Variants in NCS1 observed in about 807,000 individuals in gnomAD.
NCS1 encodes neuronal calcium sensor 1, also known as frequenin homolog.
In NCS1, 6 loss-of-function variants were observed where a neutral mutation model predicts 28.4. The observed-to-expected ratio is 0.21, with a 90% CI of 0.12 to 0.42. The LOEUF is 0.42. Ranked by LOEUF, NCS1 falls within the 10% of genes least tolerant of loss-of-function variation. NCS1 has a pLI of 1.00. For missense variants in NCS1, 131 were observed against 241.4 expected, an observed-to-expected ratio of 0.54 and a Z score of 3.03; for synonymous variants, 86 against 99.3, an observed-to-expected ratio of 0.87 and a Z score of 0.79.
chr9:130,211,930 G>A (rs574699049), intron 2 of NCS1, among the ~76,000 whole-genome samples: 71 of 152,234 alleles, frequency 4.7e-4, no homozygotes, highest in Middle Eastern at 6.8e-3. Flanking sequence ...AGCATGACCC[G>A]GCCTGGGGTG....
At chr9:130,173,001 C>T (rs1289947667) in intron 1 of NCS1, among the ~76,000 whole-genome samples, 4 of 152,086 alleles carry the variant, frequency 2.6e-5, no homozygotes, top group Non-Finnish European at 5.9e-5. Flanking sequence ...CCCCAGCCCC[C>T]TGGCGGCCCC....
In NCS1 at chr9:130,216,883, G is replaced by A. The variant is rs557313621; in HGVS notation, c.90-949G>A. On this transcript the variant is annotated intron_variant, in intron 2 of 7. Transcript: ENST00000372398. ...CTGGCTTCCCGATGTGGAAGGAATC[G>A]TCCTCTGAGGAGTGCGTGTCCTCCT... Among the ~76,000 whole-genome samples the A allele has an allele frequency of 2.6e-4, 39 of 148,706 alleles. No homozygotes were observed. In the South Asian group the frequency reaches 2.8e-3, roughly 11 times the overall value.
chr9:130,193,210 G>A (rs1832839314), intron 1 of NCS1, among the ~76,000 whole-genome samples: 1 of 152,178 alleles, frequency 6.6e-6, no homozygotes, highest in South Asian at 2.1e-4. Context: ...GGGCTCTGAG[G>A]TACTGCAGGG....
At position 130,172,522 on chromosome 9, in the gene NCS1, C is replaced by T. The variant is rs1398215228; in HGVS notation, c.-142C>T. On this transcript the variant is annotated 5_prime_UTR_variant, in exon 1 of 8. Transcript: ENST00000372398. Reference sequence around the variant, plus strand: ...CAGCGGCCGCCCCACGCCCCGGGCGCCCCGGCGCCGACAGCCGCGCAGCGC... The same window carrying T: ...CAGCGGCCGCCCCACGCCCCGGGCGTCCCGGCGCCGACAGCCGCGCAGCGC... The T allele has an allele frequency of 4.4e-6, 1 of 227,318 alleles. No homozygotes were observed. The highest frequency in any genetic ancestry group is 2.4e-5 in the African/African-American group (1 of 42,120). The allele number at this position is 227,318 out of a possible 1,614,324, so 14.1% of individuals were successfully genotyped here.
chr9:130,196,012 G>A (rs1343750210), intron 1 of NCS1, among the ~76,000 whole-genome samples: 4 of 152,308 alleles, frequency 2.6e-5, no homozygotes, highest in African/African-American at 7.2e-5. Context: ...TCTGGGAGGA[G>A]GGGGAAAATG....
intron 7 of NCS1, among the ~76,000 whole-genome samples, chr9:130,231,937 TTTG>T (rs1554912180): frequency 1.3e-5 from 2 of 151,658 alleles, no homozygotes; most frequent in South Asian, 2.1e-4. Flanking sequence ...ACTGTGGTTT[TTTG>T]TTGTTGTTGT....
intron 2 of NCS1, among the ~76,000 whole-genome samples, chr9:130,208,477 A>G (rs1203680723): frequency 6.6e-6 from 1 of 151,952 alleles, no homozygotes; most frequent in Non-Finnish European, 1.5e-5. Flanking sequence ...CGGGGGTTTC[A>G]CGTTGGCCAG....
chr9:130,216,121 T>C (rs1347410475), intron 2 of NCS1, among the ~76,000 whole-genome samples: 3 of 152,242 alleles, frequency 2.0e-5, no homozygotes, highest in African/African-American at 4.8e-5. Flanking sequence ...TTCCTCTTCA[T>C]TGGGGAGGGG....
chr9:130,183,566 C>T (rs1832694266), intron 1 of NCS1, among the ~76,000 whole-genome samples: 1 of 152,180 alleles, frequency 6.6e-6, no homozygotes, highest in Non-Finnish European at 1.5e-5. Flanking sequence ...TTCTCTCTCT[C>T]CAGCTGTGGG....
intron 2 of NCS1, among the ~76,000 whole-genome samples, chr9:130,206,403 CT>C (rs71387330): frequency 7.7e-4 from 90 of 116,466 alleles, no homozygotes; most frequent in East Asian, 1.3e-3. Context: ...TTCTTTCTTT[CT>C]TTTTTTTTTT....
At chr9:130,205,224 A>G (rs1833007816) in intron 2 of NCS1, among the ~76,000 whole-genome samples, 1 of 151,990 alleles carries the variant, frequency 6.6e-6, no homozygotes, top group South Asian at 2.1e-4. Context: ...CAGCAAGGAC[A>G]AGGGCTGGGA....
intron 1 of NCS1, among the ~76,000 whole-genome samples, chr9:130,190,032 A>AGAGAGAGAG (rs1554906086): frequency 2.5e-5 from 3 of 120,506 alleles, no homozygotes; most frequent in African/African-American, 6.7e-5. Flanking sequence ...ATGTTTATGC[A>AGAGAGAGAG]AGAGAGAGAG....
Position 130,237,121 on chromosome 9 carries a change from C to G in NCS1, c.*4149C>G, listed in dbSNP as rs1165815161. 6.6e-6 allele frequency: 1 copy of G among 152,420 alleles called. No individual in the cohort carries two copies. The highest frequency in any genetic ancestry group is 1.5e-5 in the Non-Finnish European group (1 of 68,242). 9.4% of individuals were successfully genotyped at this position (152,420 alleles called of 1,614,324 possible). On this transcript the variant is annotated 3_prime_UTR_variant, in exon 8 of 8. Transcript: ENST00000372398. ...CCTTTCCTGCTTGCCTCCCCAGCCC[C>G]CTTTGAGTCTCTTTTTGGGGTGCCG...
intron 1 of NCS1, among the ~76,000 whole-genome samples, chr9:130,188,423 C>CT (rs34686734): frequency 1.3e-3 from 183 of 138,210 alleles, no homozygotes; most frequent in East Asian, 5.4e-3. Context: ...CTGAACTTTC[C>CT]TTTTTTTTTT....
chr9:130,223,107 A>G lies in NCS1; in HGVS notation c.422A>G (p.Glu141Gly), dbSNP rs782696870. Reference protein sequence around the residue: ...MVGNTVELPEEENTPEKRVDR... With the variant: ...MVGNTVELPEGENTPEKRVDR... The stretch of plus-strand genomic sequence containing the variant: ...GGGAATACCGTGGAGCTCCCAGAGG[A>G]GGAGAACACTCCTGAGAAGAGGGTG... Residue 141 changes from glutamate to glycine, a missense_variant, in exon 6 of 8, where the codon GAG (glutamate) becomes GGG (glycine). This residue lies in a region of NCS1 where 100 missense variants were observed against 210.3 expected (regional missense o/e 0.48). Transcript: ENST00000372398. 1.9e-6 allele frequency: 3 copies of G among 1,605,620 alleles called. No individual in the cohort carries two copies. Among genetic ancestry groups the G allele is most frequent in the Admixed American group, 1.7e-5 (1 of 59,656 alleles).
chr9:130,230,981 C>CTT (rs528712320), intron 7 of NCS1, among the ~76,000 whole-genome samples: 83 of 149,766 alleles, frequency 5.5e-4, no homozygotes, highest in African/African-American at 2.0e-3. Flanking sequence ...TTATCTTACT[C>CTT]TTTTTTTTTT....
chr9:130,197,739 T>C (rs2131132420), intron 1 of NCS1, among the ~76,000 whole-genome samples: 2 of 152,190 alleles, frequency 1.3e-5, no homozygotes, highest in African/African-American at 4.8e-5. Flanking sequence ...AAGGCAGACG[T>C]ATCACTTGAG....
intron 3 of NCS1, 72 bp downstream of exon 3, chr9:130,218,042 C>T (rs977240863): frequency 1.3e-6 from 2 of 1,575,256 alleles, no homozygotes; most frequent in Non-Finnish European, 1.7e-6. Context: ...TCTCCACACC[C>T]ACTCTCTCCT....
intron 1 of NCS1, among the ~76,000 whole-genome samples, chr9:130,195,776 T>A (rs1554906769): frequency 6.6e-6 from 1 of 151,834 alleles, no homozygotes; most frequent in East Asian, 1.9e-4. Context: ...ACGGGTGAGG[T>A]GAGGAAGTGT....
Sources: allele counts gnomAD v4.1 joint callset (sites outside exome capture counted in the v4.1 genomes callset), GRCh38; gene constraint gnomAD v4.1.1; regional missense constraint gnomAD v4.1.1; transcripts MANE v1.5; gene names NCBI Gene and HGNC (gene_info 2026-07-23, HGNC 2026-07-21).